PLA2G4A: variants seen among roughly 807,000 people sequenced by gnomAD.
PLA2G4A encodes the protein cytosolic phospholipase A2.
A neutral mutation model predicts 81.9 loss-of-function variants in PLA2G4A; 40 were observed. That is an observed-to-expected ratio of 0.49 (90% CI 0.38 to 0.64). The LOEUF (loss-of-function observed/expected upper bound fraction) is 0.64, where lower values mean the gene tolerates loss of function less well. PLA2G4A is among the 30% of genes least tolerant of loss of function. The pLI is 0.00. For missense variants in PLA2G4A, 715 were observed against 905.1 expected (o/e 0.79, Z 2.69); for synonymous variants, 302 against 296.9 (o/e 1.02, Z -0.18).
At chr1:186,955,050 A>G (rs1300393805) in intron 13 of PLA2G4A, among the ~76,000 whole-genome samples, 3 of 152,178 alleles carry the variant, frequency 2.0e-5, no homozygotes, top group Non-Finnish European at 2.9e-5. Context: ...TAGTGGAGAG[A>G]GGGTTGAGAC....
chr1:186,973,925 T>C (rs1326708206), intron 15 of PLA2G4A, among the ~76,000 whole-genome samples: 1 of 152,096 alleles, frequency 6.6e-6, no homozygotes, highest in Admixed American at 6.5e-5. Context: ...ATCTTCTCCC[T>C]AATCTTAAAA....
intron 2 of PLA2G4A, among the ~76,000 whole-genome samples, chr1:186,862,222 A>C (rs930938234): frequency 2.8e-4 from 7 of 25,058 alleles, no homozygotes; most frequent in African/African-American, 1.1e-3. Context: ...TTAGTTATGA[A>C]CTTTTTTTTT....
At chr1:186,973,319 A>G (rs1387791306) in intron 15 of PLA2G4A, among the ~76,000 whole-genome samples, 1 of 152,022 alleles carries the variant, frequency 6.6e-6, no homozygotes, top group East Asian at 1.9e-4. Context: ...CTCTGCCTTC[A>G]TTTTTGTATG....
chr1:186,956,050 T>C, intron 13 of PLA2G4A, 52 bp from the exon 14 acceptor site: 1 of 1,568,180 alleles, frequency 6.4e-7, no homozygotes, highest in Non-Finnish European at 8.8e-7. Flanking sequence ...CAAAGATCCC[T>C]TTTTAAACAT....
chr1:186,977,006 C>T (rs954148523), intron 15 of PLA2G4A, among the ~76,000 whole-genome samples: 1 of 152,176 alleles, frequency 6.6e-6, no homozygotes, highest in East Asian at 1.9e-4. Context: ...TAACTAAGCC[C>T]TTGGTACATC....
At chr1:186,940,984 A>G (rs1656132390) in intron 10 of PLA2G4A, among the ~76,000 whole-genome samples, 1 of 151,982 alleles carries the variant, frequency 6.6e-6, no homozygotes, top group South Asian at 2.1e-4. Context: ...GGATACTATA[A>G]AAGTGCACAA....
At chr1:186,865,799 A>G (rs775236210) in intron 2 of PLA2G4A, among the ~76,000 whole-genome samples, 7 of 152,180 alleles carry the variant, frequency 4.6e-5, no homozygotes, top group Non-Finnish European at 1.0e-4. Context: ...TTCAATGCCA[A>G]TCATAGTTAC....
At chr1:186,907,502 A>G (rs1654783207) in intron 6 of PLA2G4A, among the ~76,000 whole-genome samples, 1 of 152,216 alleles carries the variant, frequency 6.6e-6, no homozygotes, top group Admixed American at 6.5e-5. Flanking sequence ...TGGCCTCCAA[A>G]ACTGAACGTT....
chr1:186,856,065 AAC>A lies in PLA2G4A; in HGVS notation c.33+1693_33+1694del, dbSNP rs375318148. On this transcript the variant is annotated intron_variant, in intron 2 of 17. Coordinates refer to ENST00000367466, the MANE Select transcript of PLA2G4A (RefSeq NM_024420.3). ...TTCATTTTGCCAATTTACACACACA[AAC>A]ACACACACACACACTCATGCATGCA... is the stretch of plus-strand genomic sequence containing the variant. Among the ~76,000 whole-genome samples the A allele has an allele frequency of 3.2e-3, 479 of 150,546 alleles. 3 individuals are homozygous for A. The highest frequency in any genetic ancestry group is 0.01 in the Middle Eastern group (3 of 288).
intron 4 of PLA2G4A, 58 bp downstream of exon 4, chr1:186,893,217 T>A: frequency 6.9e-7 from 1 of 1,456,850 alleles, no homozygotes; most frequent in Non-Finnish European, 9.6e-7. Context: ...GAGACATGCT[T>A]GAGTTTGTCC....
intron 15 of PLA2G4A, among the ~76,000 whole-genome samples, chr1:186,968,448 G>C (rs1657216104): frequency 7.2e-6 from 1 of 139,420 alleles, no homozygotes; most frequent in Non-Finnish European, 1.6e-5. Context: ...GTCTATACCA[G>C]GGTCATGTAG....
intron 2 of PLA2G4A, among the ~76,000 whole-genome samples, chr1:186,862,287 T>C (rs1652839173): frequency 7.0e-6 from 1 of 142,858 alleles, no homozygotes; most frequent in African/African-American, 2.6e-5. Flanking sequence ...AGATCTTGGC[T>C]CATTGCAGCC....
chr1:186,939,313 G>T (rs945563381), intron 9 of PLA2G4A, 83 bp downstream of exon 9: 6 of 606,226 alleles, frequency 9.9e-6, no homozygotes, highest in Non-Finnish European at 1.7e-5. Flanking sequence ...AAAAGAAAAT[G>T]TAATACATTT....
intron 7 of PLA2G4A, among the ~76,000 whole-genome samples, chr1:186,928,774 G>A (rs1042708457): frequency 1.6e-4 from 24 of 152,258 alleles, no homozygotes; most frequent in Non-Finnish European, 2.1e-4. Flanking sequence ...GTAAGCTTGC[G>A]TACCAGGATA....
intron 1 of PLA2G4A, among the ~76,000 whole-genome samples, chr1:186,850,961 A>C (rs1182523918): frequency 6.6e-6 from 1 of 152,048 alleles, no homozygotes; most frequent in African/African-American, 2.4e-5. Context: ...GTAAATATAT[A>C]ATGTTATTAG....
chr1:186,879,038 C>A (rs1653628823), intron 3 of PLA2G4A, among the ~76,000 whole-genome samples: 1 of 151,730 alleles, frequency 6.6e-6, no homozygotes, highest in Admixed American at 6.6e-5. Context: ...TAAAATCTTT[C>A]TTAAAAATAA....
rs377139341 is a variant in PLA2G4A at position 186,914,294 on chromosome 1, A to G, written c.558+2905A>G. Among the ~76,000 whole-genome samples the G allele has an allele frequency of 2.0e-5, 3 of 151,976 alleles. No homozygotes were observed. The East Asian group carries it at 5.8e-4, about 29-fold the overall frequency. On this transcript the variant is annotated intron_variant, in intron 7 of 17. Transcript: ENST00000367466. ...TGTTTTTTTCTTTCTAGAGATGGGG[A>G]TCTTGCTATATTGCCCAGGTTGGTC...
chr1:186,929,314 T>A (rs1004995352), intron 7 of PLA2G4A, among the ~76,000 whole-genome samples: 1 of 152,194 alleles, frequency 6.6e-6, no homozygotes, highest in Non-Finnish European at 1.5e-5. Flanking sequence ...CTTTTGAGAG[T>A]TGGGAAGATT....
intron 1 of PLA2G4A, among the ~76,000 whole-genome samples, chr1:186,834,908 G>T (rs1341487017): frequency 6.6e-6 from 1 of 151,978 alleles, no homozygotes; most frequent in Non-Finnish European, 1.5e-5. Context: ...TCTGACCTTG[G>T]ATTTATCATT....
Sources: allele counts gnomAD v4.1 joint callset (sites outside exome capture counted in the v4.1 genomes callset), GRCh38; gene constraint gnomAD v4.1.1; transcripts MANE v1.5; gene names NCBI Gene and HGNC (gene_info 2026-07-23, HGNC 2026-07-21).